Variants in LAMA4 observed in about 807,000 individuals in gnomAD.
LAMA4 encodes the protein laminin subunit alpha 4.
LAMA4 carries 127 observed loss-of-function variants against 207.1 expected under a neutral mutation model. That is an observed-to-expected ratio of 0.61 (90% confidence interval 0.53 to 0.71). LAMA4 has a LOEUF of 0.71. LAMA4 is among the 30% of genes least tolerant of loss of function. The probability of loss-of-function intolerance (pLI) is 0.00; values close to 1 mark genes in which losing one functional copy is unlikely to be tolerated. For synonymous variants in LAMA4, 761 were observed against 816.0 expected, an observed-to-expected ratio of 0.93 and a Z score of 1.15; for missense variants, 2,093 against 2,246.5, an observed-to-expected ratio of 0.93 and a Z score of 1.38.
chr6:112,184,778 G>GT (rs781920204), intron 9 of LAMA4, among the ~76,000 whole-genome samples: 1 of 152,040 alleles, frequency 6.6e-6, no homozygotes, highest in Non-Finnish European at 1.5e-5. Context: ...GTTGAAAGTG[G>GT]TTTTTTCCCT....
intron 2 of LAMA4, among the ~76,000 whole-genome samples, chr6:112,226,926 G>A (rs902246108): frequency 1.4e-4 from 21 of 151,912 alleles, no homozygotes; most frequent in Non-Finnish European, 2.4e-4. Flanking sequence ...TATTGTGTAG[G>A]GATACACATA....
intron 20 of LAMA4, 77 bp from the exon 21 acceptor site, chr6:112,141,580 GA>G (rs1779698016): frequency 1.7e-6 from 2 of 1,203,918 alleles, no homozygotes; most frequent in Admixed American, 3.5e-5. Flanking sequence ...AGGACAATCA[GA>G]AATCCAAATA....
In LAMA4 at chr6:112,117,285, G is replaced by A. The variant is rs1554324249; in HGVS notation, c.4981+454C>T. On this transcript the variant is annotated intron_variant, in intron 35 of 38. Coordinates refer to ENST00000230538, the MANE Select transcript of LAMA4 (RefSeq NM_001105206.3). The surrounding 1 kb of genome is among the most constrained non-coding windows in gnomAD (Gnocchi z 4.5). ...AAACTGAATGAGTGAGGGAGTAATG[G>A]TCAAGGAGAATAATAAAAAGCCAGA... 6.6e-6 allele frequency among the ~76,000 whole-genome samples: 1 copy of A among 152,174 alleles called. No homozygotes were observed. The highest frequency in any genetic ancestry group is 1.5e-5 in the Non-Finnish European group (1 of 68,028).
chr6:112,137,914 A>T (rs1445563646), intron 24 of LAMA4, among the ~76,000 whole-genome samples: 1 of 152,210 alleles, frequency 6.6e-6, no homozygotes, highest in Non-Finnish European at 1.5e-5. Context: ...TGTCACATCA[A>T]TGTAAGGGTA....
intron 28 of LAMA4, 28 bp downstream of exon 28, chr6:112,132,725 G>C (rs1779109464): frequency 6.2e-7 from 1 of 1,604,218 alleles, no homozygotes; most frequent in African/African-American, 1.3e-5. Flanking sequence ...TCACAAAGAA[G>C]TTTCCTCAGA....
intron 4 of LAMA4, among the ~76,000 whole-genome samples, chr6:112,202,971 A>G (rs1358566440): frequency 6.6e-6 from 1 of 152,156 alleles, no homozygotes; most frequent in East Asian, 1.9e-4. Context: ...AGCGATTTCC[A>G]TAGCTACTGG....
At chr6:112,158,117 A>G (rs575577541) in intron 14 of LAMA4, 2 of 153,322 alleles carry the variant, frequency 1.3e-5, no homozygotes, top group African/African-American at 4.8e-5. Flanking sequence ...AGTACTTTTC[A>G]GTTAACATTA....
Position 112,132,889 on chromosome 6 carries a change from A to T in LAMA4, c.3698T>A (p.Ile1233Lys). 1 of 1,612,916 alleles carries T rather than the reference A, an allele frequency of 6.2e-7. No homozygotes were observed. The highest frequency in any genetic ancestry group is 8.5e-7 in the Non-Finnish European group (1 of 1,179,250). Reference sequence around the variant, plus strand: ...TCCATTGAAATATGCTCTGCGAGATATCTGTGTGCCAGAACAAGTGGAGAT... The same window carrying T: ...TCCATTGAAATATGCTCTGCGAGATTTCTGTGTGCCAGAACAAGTGGAGAT... Reference protein sequence around the residue: ...VGYGCPEDSLISRRAYFNGQS... With the variant: ...VGYGCPEDSLKSRRAYFNGQS... The change falls in exon 28 of 39, where the codon ATA becomes AAA. Residue 1233 changes from isoleucine to lysine, a missense_variant and splice_region_variant. This residue lies in a region of LAMA4 where 1,704 missense variants were observed against 1,788.4 expected (regional missense o/e 0.95). Transcript: ENST00000230538.
intron 5 of LAMA4, among the ~76,000 whole-genome samples, chr6:112,199,062 C>T (rs1342364351): frequency 4.6e-5 from 7 of 152,208 alleles, no homozygotes; most frequent in African/African-American, 1.4e-4. Context: ...CAAACCAGTG[C>T]TCTTGTCTGG....
Position 112,207,009 on chromosome 6 carries a change from T to C in LAMA4, c.422+12A>G. 1 of 1,613,612 alleles carries C rather than the reference T, an allele frequency of 6.2e-7. No homozygotes were observed. Among genetic ancestry groups the C allele is most frequent in the Non-Finnish European group, 8.5e-7 (1 of 1,179,820 alleles). ...TGATCATTAGAAGAGACCATCCTCC[T>C]TTAGGACTTACTTGGCCAAGTGGGG... On this transcript the variant is annotated intron_variant, in intron 4 of 38. Coordinates refer to ENST00000230538, the MANE Select transcript of LAMA4 (RefSeq NM_001105206.3).
intron 19 of LAMA4, among the ~76,000 whole-genome samples, chr6:112,142,656 G>T (rs550852911): frequency 2.1e-4 from 32 of 152,308 alleles, no homozygotes; most frequent in African/African-American, 7.7e-4. Context: ...TTGTTTGGGA[G>T]AAGTAGAACT....
chr6:112,220,252 G>A (rs192121015), intron 2 of LAMA4, among the ~76,000 whole-genome samples: 29 of 152,112 alleles, frequency 1.9e-4, no homozygotes, highest in African/African-American at 7.0e-4. Context: ...ATTATTAAGA[G>A]ACTCCTATTA....
rs782344792 is a variant in LAMA4 at position 112,109,398 on chromosome 6, C to G, written c.*39G>C. ...CTGGCTTTGTGTTTCTTTCAGTGCT[C>G]TAAAGAACTTTGTATTTGGGCAGCT... is the stretch of plus-strand genomic sequence containing the variant. On this transcript the variant is annotated 3_prime_UTR_variant, in exon 39 of 39. Coordinates refer to ENST00000230538, the MANE Select transcript of LAMA4 (RefSeq NM_001105206.3). 2.5e-6 allele frequency: 4 copies of G among 1,612,120 alleles called. No homozygotes were observed. The highest frequency in any genetic ancestry group is 1.1e-5 in the South Asian group (1 of 90,882).
At chr6:112,164,687 A>G (rs573212664) in intron 13 of LAMA4, among the ~76,000 whole-genome samples, 3 of 152,320 alleles carry the variant, frequency 2.0e-5, no homozygotes, top group Admixed American at 6.5e-5. Flanking sequence ...ACTGCATTTT[A>G]TTGGAAATTT....
intron 9 of LAMA4, among the ~76,000 whole-genome samples, chr6:112,180,901 C>T (rs1328871868): frequency 6.6e-6 from 1 of 152,178 alleles, no homozygotes; most frequent in Non-Finnish European, 1.5e-5. Flanking sequence ...CCCTAAATTC[C>T]TTTCCAGCCC....
At chr6:112,143,536 G>C (rs1450631594) in intron 19 of LAMA4, among the ~76,000 whole-genome samples, 1 of 152,114 alleles carries the variant, frequency 6.6e-6, no homozygotes, top group African/African-American at 2.4e-5. Context: ...TGCCCACCTT[G>C]GCCTCCCAAA....
chr6:112,173,427 G>T (rs1781840792), intron 11 of LAMA4, among the ~76,000 whole-genome samples: 1 of 152,204 alleles, frequency 6.6e-6, no homozygotes, highest in South Asian at 2.1e-4. Context: ...GTCTTGTTGA[G>T]ATTTTCTTCC....
intron 4 of LAMA4, among the ~76,000 whole-genome samples, chr6:112,206,094 A>G (rs1784042937): frequency 6.6e-6 from 1 of 152,222 alleles, no homozygotes; most frequent in Admixed American, 6.5e-5. Flanking sequence ...ACTGACAGTC[A>G]TAAGCATAGC....
At chr6:112,131,185 G>T in intron 28 of LAMA4, 84 bp from the exon 29 acceptor site, 1 of 1,276,862 alleles carries the variant, frequency 7.8e-7, no homozygotes, top group Non-Finnish European at 1.1e-6. Context: ...GAATGGTATT[G>T]CTTAAAGGCA....
Sources: allele counts gnomAD v4.1 joint callset (sites outside exome capture counted in the v4.1 genomes callset), GRCh38; gene constraint gnomAD v4.1.1; regional missense constraint gnomAD v4.1.1; non-coding constraint Gnocchi (gnomAD v3.1); transcripts MANE v1.5; gene names NCBI Gene and HGNC (gene_info 2026-07-23, HGNC 2026-07-21).